OLFM3: variants seen among roughly 807,000 people sequenced by gnomAD.
OLFM3 encodes olfactomedin 3.
Under a neutral mutation model 48.6 loss-of-function variants are expected in OLFM3, and 20 were observed. The observed-to-expected ratio is 0.41, with a 90% CI of 0.29 to 0.60. The LOEUF (loss-of-function observed/expected upper bound fraction) is 0.60. Among genes scored for constraint, OLFM3 ranks in the 20% least tolerant of loss-of-function variants. The pLI is 0.28. For synonymous variants in OLFM3, 222 were observed against 198.1 expected, an observed-to-expected ratio of 1.12 and a Z score of -1.01; for missense variants, 437 against 544.3, an observed-to-expected ratio of 0.80 and a Z score of 1.96.
rs552590202 is a variant in OLFM3, at chr1:101,901,666, G to A, written c.70-64641C>T. 1.2e-4 allele frequency among the ~76,000 whole-genome samples: 18 copies of A among 152,202 alleles called. No homozygotes were observed. The East Asian group carries it at 3.1e-3, about 26-fold the overall frequency. On this transcript the variant is annotated intron_variant, in intron 1 of 5. Transcript: ENST00000370103. ...CTAGAATAAAGGAAGTATGAGTGGGGAAGAATGTGGACATGAGAAATATAT... is the reference window on the plus strand; with the variant it reads ...CTAGAATAAAGGAAGTATGAGTGGGAAAGAATGTGGACATGAGAAATATAT...
chr1:101,959,779 T>A (rs908793143), intron 1 of OLFM3, among the ~76,000 whole-genome samples: 2 of 152,192 alleles, frequency 1.3e-5, no homozygotes, highest in African/African-American at 4.8e-5. Context: ...TGTTAGTGAT[T>A]GGACATGACT....
At position 101,803,626 on chromosome 1, in the gene OLFM3, A is replaced by G. The variant is rs1653599877; in HGVS notation, c.*612T>C. 6.6e-6 allele frequency: 1 copy of G among 152,238 alleles called. No homozygotes were observed. The highest frequency in any genetic ancestry group is 1.5e-5 in the Non-Finnish European group (1 of 67,844). 9.4% of individuals were successfully genotyped at this position (152,238 alleles called of 1,614,324 possible). A position where few individuals can be genotyped will look rare whatever the true frequency, so the allele number is the denominator to read the frequency against. ...AAAAAATATTACTTTCACAGAAGTG[A>G]AGAGATACAATAGCACAATGGTGGT... is the stretch of plus-strand genomic sequence containing the variant. On this transcript the variant is annotated 3_prime_UTR_variant, in exon 6 of 6. Transcript: ENST00000370103.
At chr1:101,820,441 C>T (rs998825947) in intron 4 of OLFM3, among the ~76,000 whole-genome samples, 9 of 152,076 alleles carry the variant, frequency 5.9e-5, no homozygotes, top group Non-Finnish European at 1.0e-4. Context: ...CACATCCATA[C>T]AATTACATTC....
intron 1 of OLFM3, among the ~76,000 whole-genome samples, chr1:101,860,998 A>G (rs1342030908): frequency 2.0e-5 from 3 of 152,090 alleles, no homozygotes; most frequent in East Asian, 3.8e-4. Flanking sequence ...TACTAACTAC[A>G]TGCAGAAGAG....
At chr1:101,978,768 C>G (rs1395970678) in intron 1 of OLFM3, among the ~76,000 whole-genome samples, 2 of 152,100 alleles carry the variant, frequency 1.3e-5, no homozygotes, top group African/African-American at 4.8e-5. Flanking sequence ...TTATGCGCTC[C>G]TTTCATTCTA....
intron 1 of OLFM3, among the ~76,000 whole-genome samples, chr1:101,903,885 A>G (rs895356993): frequency 1.3e-5 from 2 of 152,056 alleles, no homozygotes; most frequent in Non-Finnish European, 2.9e-5. Context: ...TTATTTTTAA[A>G]TGACTGATTA....
chr1:101,956,719 A>C lies in OLFM3; in HGVS notation c.69+40029T>G, dbSNP rs148023013. On this transcript the variant is annotated intron_variant, in intron 1 of 5. Transcript: ENST00000370103. ...CTTGATATTTTGAATAGCACTTAGT[A>C]GTTCTTCAAATGTCTGTTTTGAACA... Among the ~76,000 whole-genome samples, 325 of 151,958 alleles carry C rather than the reference A, an allele frequency of 2.1e-3. 1 individual carries two copies. The highest frequency in any genetic ancestry group is 7.5e-3 in the African/African-American group (312 of 41,520).
At chr1:101,992,625 C>CT (rs5776617) in intron 1 of OLFM3, among the ~76,000 whole-genome samples, 21 of 146,558 alleles carry the variant, frequency 1.4e-4, no homozygotes, top group African/African-American at 5.0e-4. Flanking sequence ...ATTTCTCTTG[C>CT]TTTTTTTTTT....
At position 101,804,335 on chromosome 1, in the gene OLFM3, T is replaced by C. The variant is rs1326727440; in HGVS notation, c.1280A>G (p.Asn427Ser). The C allele has an allele frequency of 3.7e-6, 6 of 1,612,318 alleles. No homozygotes were observed. The highest frequency in any genetic ancestry group is 2.7e-5 in the African/African-American group (2 of 74,864). Residue 427 changes from asparagine to serine, a missense_variant, in exon 6 of 6, where the codon AAT becomes AGT. Physicochemically the swap from Asn to Ser is conservative, Grantham distance 46. Transcript: ENST00000370103. The surrounding 1 kb of genome is among the most constrained non-coding windows in gnomAD (Gnocchi z 4.5). ...GGCATAGAGAGCTCGATCTCTTGCA[T>C]TGTAGTCAAGCATGGATATGTGAAA... Reference protein sequence around the residue: ...QYFHISMLDYNARDRALYAWN... With the variant: ...QYFHISMLDYSARDRALYAWN...
At chr1:101,925,783 G>T (rs1351590753) in intron 1 of OLFM3, among the ~76,000 whole-genome samples, 1 of 151,844 alleles carries the variant, frequency 6.6e-6, no homozygotes, top group Non-Finnish European at 1.5e-5. Context: ...TCCTGTCTCA[G>T]CCCCACAAAG....
At chr1:101,880,131 GAAAATTCACACTACATA>G (rs1657462209) in intron 1 of OLFM3, among the ~76,000 whole-genome samples, 1 of 151,814 alleles carries the variant, frequency 6.6e-6, no homozygotes, top group Non-Finnish European at 1.5e-5. Context: ...TGAACCCCAT[GAAAATTCACACTACATA>G]ATTTAATTAG....
chr1:101,943,508 T>A (rs75255903), intron 1 of OLFM3, among the ~76,000 whole-genome samples: 19,092 of 152,238 alleles, frequency 0.13, 1,598 homozygotes, highest in Non-Finnish European at 0.17. Flanking sequence ...TTCAGGTACC[T>A]CCTTATTTCT....
At position 101,811,779 on chromosome 1, in the gene OLFM3, G is replaced by A. The variant is rs538999032; in HGVS notation, c.593-5597C>T. 2.2e-3 allele frequency among the ~76,000 whole-genome samples: 331 copies of A among 152,194 alleles called. 2 individuals carry two copies. The highest frequency in any genetic ancestry group is 0.01 in the Middle Eastern group (3 of 294). ...CAACCATTGTGGAAGACAGTGTGGC[G>A]ATTCCTCAGGGATCTAGAACTAGAA... On this transcript the variant is annotated intron_variant, in intron 4 of 5. Coordinates refer to ENST00000370103, the MANE Select transcript of OLFM3 (RefSeq NM_058170.4).
intron 3 of OLFM3, among the ~76,000 whole-genome samples, chr1:101,825,871 G>C (rs1435204315): frequency 6.6e-6 from 1 of 152,096 alleles, no homozygotes; most frequent in East Asian, 1.9e-4. Context: ...CATTATGAAG[G>C]TAAGTTCAGT....
At chr1:101,854,253 C>A (rs201906911) in intron 1 of OLFM3, among the ~76,000 whole-genome samples, 1 of 121,668 alleles carries the variant, frequency 8.2e-6, no homozygotes, top group African/African-American at 5.1e-5. Context: ...CAATTAGGGA[C>A]CATTTGTAGG....
intron 1 of OLFM3, among the ~76,000 whole-genome samples, chr1:101,845,508 G>A (rs1655950727): frequency 6.6e-6 from 1 of 152,002 alleles, no homozygotes; most frequent in South Asian, 2.1e-4. Context: ...TCCTGCAAGA[G>A]TTAATTCAAC....
At chr1:101,827,368 T>G (rs1654911519) in intron 3 of OLFM3, among the ~76,000 whole-genome samples, 1 of 151,752 alleles carries the variant, frequency 6.6e-6, no homozygotes, top group African/African-American at 2.4e-5. Flanking sequence ...CAGGCTGGAG[T>G]GCAGTCAGTG....
At chr1:101,945,551 G>A (rs1368576528) in intron 1 of OLFM3, among the ~76,000 whole-genome samples, 1 of 152,044 alleles carries the variant, frequency 6.6e-6, no homozygotes, top group Non-Finnish European at 1.5e-5. Flanking sequence ...TTGGAGTGGT[G>A]ATAGATTTTT....
intron 1 of OLFM3, among the ~76,000 whole-genome samples, chr1:101,958,566 G>A (rs575427633): frequency 6.6e-6 from 1 of 152,136 alleles, no homozygotes; most frequent in South Asian, 2.1e-4. Flanking sequence ...AGTTTCTTCA[G>A]AATATGCATG....
Sources: gnomAD v4.1 joint callset for allele counts (sites outside exome capture counted in the v4.1 genomes callset) on GRCh38, gnomAD v4.1.1 for gene constraint, Gnocchi (gnomAD v3.1) non-coding constraint, MANE v1.5 for transcripts, NCBI Gene and HGNC (gene_info 2026-07-23, HGNC 2026-07-21) for gene names.